The following NGEF variants were observed in gnomAD, a reference collection of about 807,000 sequenced individuals.
NGEF encodes the protein ephexin-1.
Under a neutral mutation model 80.9 loss-of-function variants are expected in NGEF, and 31 were observed. The ratio of observed to expected loss-of-function variants is 0.38; its 90% confidence interval spans 0.29 to 0.52. NGEF has a LOEUF of 0.52. NGEF is among the 20% of genes least tolerant of loss of function. The probability of loss-of-function intolerance (pLI) is 0.84; values close to 1 mark genes in which losing one functional copy is unlikely to be tolerated. For synonymous variants in NGEF, 371 were observed against 370.2 expected, an observed-to-expected ratio of 1.00 and a Z score of -0.03; for missense variants, 709 against 926.2, an observed-to-expected ratio of 0.77 and a Z score of 3.04.
chr2:232,987,257 A>G (rs1223321286), intron 1 of NGEF, among the ~76,000 whole-genome samples: 6 of 152,114 alleles, frequency 3.9e-5, no homozygotes, highest in Non-Finnish European at 8.8e-5. Context: ...ACCTCAAGTG[A>G]TCCACCTGCC....
intron 1 of NGEF, among the ~76,000 whole-genome samples, chr2:232,994,388 A>C (rs1694736250): frequency 6.7e-6 from 1 of 148,238 alleles, no homozygotes; most frequent in Admixed American, 6.7e-5. Context: ...AAAAAAAAAA[A>C]GATATTAAAA....
chr2:232,919,575 C>T (rs1449613307), intron 5 of NGEF, among the ~76,000 whole-genome samples: 1 of 152,108 alleles, frequency 6.6e-6, no homozygotes, highest in East Asian at 1.9e-4. Flanking sequence ...CAAATTTTCC[C>T]TTAATACTCA....
rs1379587282 is a variant in NGEF, at chr2:232,879,260, C to CTTGT, written c.*225_*228dup. The CTTGT allele has an allele frequency of 7.8e-6, 4 of 513,902 alleles. No individual in the cohort carries two copies. Among genetic ancestry groups the CTTGT allele is most frequent in the Non-Finnish European group, 1.4e-5 (4 of 287,738 alleles). The allele number at this position is 513,902 out of a possible 1,614,324, so 31.8% of individuals were successfully genotyped here. ...GGTGGTGTAATACTGCTGAAACCTT[C>CTTGT]TTGTTTACAAATGCATCAGGAGAGG... On this transcript the variant is annotated 3_prime_UTR_variant, in exon 15 of 15. Coordinates refer to ENST00000264051, the MANE Select transcript of NGEF (RefSeq NM_019850.3).
Position 232,974,796 on chromosome 2 carries a change from G to T in NGEF, c.95C>A (p.Pro32His). ...NTDNEPAKVK[P>H]ELLPEKEETS... The stretch of plus-strand genomic sequence containing the variant: ...CTCCTCTTTTTCTGGGAGTAACTCA[G>T]GTTTCACCTTGGCTGGTTCATTATC... The change falls in exon 2 of 15, where the codon CCT (proline) becomes CAT (histidine). Residue 32 changes from proline to histidine, a missense_variant. Physicochemically the swap from Pro to His is moderately conservative, Grantham distance 77. Transcript: ENST00000264051. 2 of 1,614,224 alleles carry T rather than the reference G, an allele frequency of 1.2e-6. No individual in the cohort carries two copies. Among genetic ancestry groups the T allele is most frequent in the South Asian group, 2.2e-5 (2 of 91,088 alleles).
At position 232,893,052 on chromosome 2, in the gene NGEF, TAC is replaced by T; in HGVS notation, c.990-4_990-3del. The T allele has an allele frequency of 6.2e-7, 1 of 1,609,778 alleles. No individual in the cohort carries two copies. On this transcript the variant is annotated splice_polypyrimidine_tract_variant and splice_region_variant and intron_variant, in intron 6 of 14. Coordinates refer to ENST00000264051, the MANE Select transcript of NGEF (RefSeq NM_019850.3). ...CGGTGCTCCAGCTCCAGGAGGAACCTACGAGAGGCAGCGGCTTGAGGCGGAGG... is the reference window on the plus strand; with the variant it reads ...CGGTGCTCCAGCTCCAGGAGGAACCTGAGAGGCAGCGGCTTGAGGCGGAGG...
chr2:232,883,557 G>T (rs1358249764), intron 11 of NGEF, 91 bp from the exon 12 acceptor site: 8 of 1,246,194 alleles, frequency 6.4e-6, no homozygotes, highest in Non-Finnish European at 8.6e-6. Context: ...AACAAGCCTG[G>T]CTCCACAGCG....
chr2:232,879,458 GC>G lies in NGEF; in HGVS notation c.*30del, dbSNP rs1691416619. On this transcript the variant is annotated 3_prime_UTR_variant, in exon 15 of 15. Coordinates refer to ENST00000264051, the MANE Select transcript of NGEF (RefSeq NM_019850.3). ...CACCTTCTGTCGGGGTCTCATGCAG[GC>G]CCTGCTCCCGCTGGCCCCCTGGGTG... The G allele has an allele frequency of 6.5e-7, 1 of 1,528,242 alleles. No homozygotes were observed. 94.7% of individuals were successfully genotyped at this position (1,528,242 alleles called of 1,614,324 possible). A position where few individuals can be genotyped will look rare whatever the true frequency, so the allele number is the denominator to read the frequency against.
rs565664838 is a variant in NGEF, at chr2:232,990,995, A to G, written c.-74-16031T>C. ...GGGACAAAAACATGATCATCTTATTAGGCATATGACATCAAATAGTATTTG... is the reference window on the plus strand; with the variant it reads ...GGGACAAAAACATGATCATCTTATTGGGCATATGACATCAAATAGTATTTG... On this transcript the variant is annotated intron_variant, in intron 1 of 14. Transcript: ENST00000264051. 9.9e-5 allele frequency among the ~76,000 whole-genome samples: 15 copies of G among 152,224 alleles called. No homozygotes were observed. In the South Asian group the frequency reaches 3.1e-3, roughly 31 times the overall value.
chr2:232,978,129 G>C lies in NGEF; in HGVS notation c.-74-3165C>G, dbSNP rs562209456. ...TCCGGCTCTGACAAGGGGACCCCCGGGGCCTCTGTGTTGTGATCCTAACAT... is the reference window on the plus strand; with the variant it reads ...TCCGGCTCTGACAAGGGGACCCCCGCGGCCTCTGTGTTGTGATCCTAACAT... On this transcript the variant is annotated intron_variant, in intron 1 of 14. Coordinates refer to ENST00000264051, the MANE Select transcript of NGEF (RefSeq NM_019850.3). Among the ~76,000 whole-genome samples the C allele has an allele frequency of 5.9e-5, 9 of 151,442 alleles. No homozygotes were observed. In the South Asian group the frequency reaches 1.9e-3, roughly 32 times the overall value.
intron 5 of NGEF, 46 bp downstream of exon 5, chr2:232,920,220 CCCCCAGCAGTGAGGGCCA>C: frequency 2.0e-6 from 3 of 1,518,810 alleles, no homozygotes; most frequent in Non-Finnish European, 2.7e-6. Flanking sequence ...GGAAGCCTCA[CCCCCAGCAGTGAGGGCCA>C]CCCCGGTGTG....
intron 1 of NGEF, among the ~76,000 whole-genome samples, chr2:233,000,140 C>G (rs4973592): frequency 0.87 from 131,993 of 152,212 alleles, 57,357 homozygotes; most frequent in East Asian, 0.99. Context: ...CTTTCACCCA[C>G]GCTGGAGGGC....
intron 1 of NGEF, among the ~76,000 whole-genome samples, chr2:232,997,443 T>C (rs1053375967): frequency 6.6e-6 from 1 of 152,032 alleles, no homozygotes; most frequent in Non-Finnish European, 1.5e-5. Flanking sequence ...GCAGTGAAAC[T>C]GTCAAAGTGA....
chr2:232,995,935 C>T (rs1020898379), intron 1 of NGEF, among the ~76,000 whole-genome samples: 2 of 150,646 alleles, frequency 1.3e-5, no homozygotes, highest in African/African-American at 2.4e-5. Flanking sequence ...CAGCATAAAT[C>T]CAAAAGAGGA....
chr2:233,006,363 TGTGCAG>T (rs1404415297), intron 1 of NGEF, among the ~76,000 whole-genome samples: 1 of 152,236 alleles, frequency 6.6e-6, no homozygotes, highest in African/African-American at 2.4e-5. Flanking sequence ...TTGGGTCTAA[TGTGCAG>T]GTGCCTCAAG....
intron 1 of NGEF, among the ~76,000 whole-genome samples, chr2:233,002,267 A>T (rs1694995344): frequency 6.6e-6 from 1 of 152,246 alleles, no homozygotes; most frequent in Non-Finnish European, 1.5e-5. Context: ...TAGCACATCA[A>T]ACCTGTGATT....
intron 9 of NGEF, among the ~76,000 whole-genome samples, chr2:232,887,166 G>A (rs1309847974): frequency 5.9e-5 from 9 of 152,168 alleles, no homozygotes; most frequent in South Asian, 2.1e-4. Flanking sequence ...GACATCCCCC[G>A]CCTTGCTCTC....
In NGEF at chr2:232,905,227, G is replaced by C. The variant is rs562083336; in HGVS notation, c.829-10311C>G. ...CCTGATTGTCCTGCCTCAGCCTGCC[G>C]AGTGCCTGCGATTGCAGGCGCGCGC... On this transcript the variant is annotated intron_variant, in intron 5 of 14. Coordinates refer to ENST00000264051, the MANE Select transcript of NGEF (RefSeq NM_019850.3). Among the ~76,000 whole-genome samples the C allele has an allele frequency of 6.6e-5, 10 of 152,286 alleles. No individual in the cohort carries two copies. In the South Asian group the frequency reaches 8.3e-4, roughly 13 times the overall value.
At chr2:232,960,498 G>T (rs576763458) in intron 3 of NGEF, among the ~76,000 whole-genome samples, 3 of 152,140 alleles carry the variant, frequency 2.0e-5, no homozygotes, top group Non-Finnish European at 4.4e-5. Flanking sequence ...GAAAGGGGAG[G>T]TCATGGGTGT....
intron 6 of NGEF, among the ~76,000 whole-genome samples, 153 bp from the exon 7 acceptor site, chr2:232,893,203 C>T (rs1026313859): frequency 6.6e-6 from 1 of 152,182 alleles, no homozygotes; most frequent in African/African-American, 2.4e-5. Context: ...GCAGGGGCAC[C>T]GAGCACTGGT....
Sources: gnomAD v4.1 joint callset for allele counts (sites outside exome capture counted in the v4.1 genomes callset) on GRCh38, gnomAD v4.1.1 for gene constraint, MANE v1.5 for transcripts, NCBI Gene and HGNC (gene_info 2026-07-23, HGNC 2026-07-21) for gene names.